MTMR3: variants seen among roughly 807,000 people sequenced by gnomAD.
MTMR3 encodes phosphatidylinositol-3,5-bisphosphate 3-phosphatase MTMR3.
In MTMR3, 32 loss-of-function variants were observed where a neutral mutation model predicts 132.4. That is an observed-to-expected ratio of 0.24 (90% CI 0.18 to 0.32). MTMR3 has a LOEUF of 0.32. Ranked by LOEUF, MTMR3 falls within the 10% of genes least tolerant of loss-of-function variation. MTMR3 has a pLI of 1.00. For missense variants in MTMR3, 1,216 were observed against 1,489.6 expected (o/e 0.82, Z 3.02); for synonymous variants, 556 against 550.3 (o/e 1.01, Z -0.14).
chr22:29,903,367 ATTTTCTTT>A (rs2065036297), intron 1 of MTMR3, among the ~76,000 whole-genome samples: 2 of 136,536 alleles, frequency 1.5e-5, no homozygotes, highest in Non-Finnish European at 3.2e-5. Context: ...AGTGTTTTTG[ATTTTCTTT>A]TTTTCTTTTT....
At chr22:29,894,503 C>CGTGT (rs144670905) in intron 1 of MTMR3, among the ~76,000 whole-genome samples, 6,535 of 147,240 alleles carry the variant, frequency 0.044, 177 homozygotes, top group African/African-American at 0.085. Flanking sequence ...GTTCTGTATC[C>CGTGT]GTGTGTGTGT....
At chr22:29,897,782 C>T (rs962708475) in intron 1 of MTMR3, among the ~76,000 whole-genome samples, 5 of 152,028 alleles carry the variant, frequency 3.3e-5, no homozygotes, top group Admixed American at 6.6e-5. Flanking sequence ...AATATGCATA[C>T]GGTTGGAGTC....
chr22:29,895,856 T>C (rs1391308808), intron 1 of MTMR3, among the ~76,000 whole-genome samples: 1 of 152,226 alleles, frequency 6.6e-6, no homozygotes, highest in Non-Finnish European at 1.5e-5. Flanking sequence ...GCCACTTAGC[T>C]GGTCATCACT....
chr22:29,884,402 TTG>T (rs2064623828), intron 1 of MTMR3, among the ~76,000 whole-genome samples: 1 of 152,112 alleles, frequency 6.6e-6, no homozygotes, highest in Non-Finnish European at 1.5e-5. Context: ...TGTGAAATGT[TTG>T]TGATTTGTCC....
intron 3 of MTMR3, among the ~76,000 whole-genome samples, chr22:29,974,175 G>C (rs2066588831): frequency 6.6e-6 from 1 of 152,146 alleles, no homozygotes; most frequent in Non-Finnish European, 1.5e-5. Context: ...CTTATAGCTA[G>C]GATACGTTTG....
At position 30,022,093 on chromosome 22, in the gene MTMR3, T is replaced by C; in HGVS notation, c.3290T>C (p.Ile1097Thr). The C allele has an allele frequency of 1.2e-6, 2 of 1,614,048 alleles. No homozygotes were observed. Among genetic ancestry groups the C allele is most frequent in the Non-Finnish European group, 1.7e-6 (2 of 1,180,012 alleles). The stretch of plus-strand genomic sequence containing the variant: ...TGTTTGTCTCGCTGCAGCACAGAGA[T>C]TTTCTCTGAAGCCAGCTGGGAGCAG... ...QNCLSRCSTEIFSEASWEQVD... is the reference protein window; with the variant it reads ...QNCLSRCSTETFSEASWEQVD... The change falls in exon 18 of 20, where the codon ATT (isoleucine) becomes ACT (threonine). Residue 1097 changes from isoleucine to threonine, a missense_variant. Ile to Thr is a moderately conservative substitution (Grantham distance 89, BLOSUM62 -1). Coordinates refer to ENST00000401950, the MANE Select transcript of MTMR3 (RefSeq NM_021090.4).
chr22:29,912,606 C>T (rs985880886), intron 1 of MTMR3, among the ~76,000 whole-genome samples: 1 of 152,112 alleles, frequency 6.6e-6, no homozygotes, highest in Admixed American at 6.5e-5. Flanking sequence ...AAGCTGTTGT[C>T]ATTATGTTGC....
chr22:29,934,382 C>T (rs1484237474), intron 1 of MTMR3, among the ~76,000 whole-genome samples: 1 of 152,024 alleles, frequency 6.6e-6, no homozygotes, highest in African/African-American at 2.4e-5. Context: ...AAGCTCTGGA[C>T]ATTAAAGATG....
intron 12 of MTMR3, chr22:30,010,085 T>G (rs2145943510): frequency 6.6e-6 from 1 of 152,384 alleles, no homozygotes; most frequent in Non-Finnish European, 1.5e-5. Flanking sequence ...TTGAGCTTGC[T>G]GCCTCCTTTG....
At chr22:29,967,240 C>CAT (rs1288884481) in intron 2 of MTMR3, among the ~76,000 whole-genome samples, 21 of 144,028 alleles carry the variant, frequency 1.5e-4, no homozygotes, top group African/African-American at 3.8e-4. Flanking sequence ...TGTGCATGCG[C>CAT]GCGCGCGCGC....
chr22:30,020,226 C>T lies in MTMR3; in HGVS notation c.2567C>T (p.Ser856Leu). 6.2e-7 allele frequency: 1 copy of T among 1,614,176 alleles called. No homozygotes were observed. The highest frequency in any genetic ancestry group is 8.5e-7 in the Non-Finnish European group (1 of 1,180,042). Residue 856 changes from serine to leucine, a missense_variant, in exon 17 of 20, where the codon TCA (serine) becomes TTA (leucine). Transcript: ENST00000401950. The stretch of plus-strand genomic sequence containing the variant: ...ATGTTAGTGGAAGATAAGGTGAAGT[C>T]AGTAAGTGGGCCCCAAGGTCATCAT... ...TDMLVEDKVKSVSGPQGHHRS... is the reference protein window; with the variant it reads ...TDMLVEDKVKLVSGPQGHHRS...
At position 30,020,750 on chromosome 22, in the gene MTMR3, C is replaced by T; in HGVS notation, c.3091C>T (p.Leu1031=). 6.2e-7 allele frequency: 1 copy of T among 1,614,196 alleles called. No individual in the cohort carries two copies. Among genetic ancestry groups the T allele is most frequent in the Non-Finnish European group, 8.5e-7 (1 of 1,180,040 alleles). ...SVYTDTIQQR[L]RQIESGHQQE... Reference sequence around the variant, plus strand: ...GTACACAGACACGATCCAACAGCGCCTGCGTCAGATTGAGTCAGGCCACCA... The same window carrying T: ...GTACACAGACACGATCCAACAGCGCTTGCGTCAGATTGAGTCAGGCCACCA... The change falls in exon 17 of 20, where the codon CTG becomes TTG. Residue 1031 remains leucine (L), a synonymous_variant. Coordinates refer to ENST00000401950, the MANE Select transcript of MTMR3 (RefSeq NM_021090.4).
Position 30,027,759 on chromosome 22 carries a change from G to T in MTMR3, c.*1958G>T, listed in dbSNP as rs1288306390. 5 of 152,636 alleles carry T rather than the reference G, an allele frequency of 3.3e-5. No homozygotes were observed. The highest frequency in any genetic ancestry group is 2.0e-4 in the Admixed American group (3 of 15,278). 9.5% of individuals were successfully genotyped at this position (152,636 alleles called of 1,614,324 possible). On this transcript the variant is annotated 3_prime_UTR_variant, in exon 20 of 20. Transcript: ENST00000401950. ...TTTTCTCCTAAAGAGGAGTCAGTCA[G>T]TGCTCCTATATTTTTCATTTTTTGT...
chr22:29,984,340 A>G (rs1222910452), intron 5 of MTMR3: 1 of 152,218 alleles, frequency 6.6e-6, no homozygotes. Context: ...ACATGTATGC[A>G]CACACACCCA....
intron 17 of MTMR3, 33 bp from the exon 18 acceptor site, chr22:30,021,990 CCAGGTT>C: frequency 6.6e-7 from 1 of 1,515,700 alleles, no homozygotes; most frequent in South Asian, 1.1e-5. Context: ...TGGGAGGAGA[CCAGGTT>C]CATTCTGTTC....
At chr22:29,889,391 A>C (rs192592288) in intron 1 of MTMR3, among the ~76,000 whole-genome samples, 6 of 150,670 alleles carry the variant, frequency 4.0e-5, no homozygotes, top group Non-Finnish European at 8.8e-5. Context: ...GGTTCTAGCA[A>C]TTCTGCTGCC....
intron 1 of MTMR3, among the ~76,000 whole-genome samples, chr22:29,916,894 TGCTC>T (rs1237691227): frequency 6.6e-6 from 1 of 152,198 alleles, no homozygotes; most frequent in African/African-American, 2.4e-5. Flanking sequence ...CTTTACCAAT[TGCTC>T]CCTAATGCCT....
At position 29,959,325 on chromosome 22, in the gene MTMR3, G is replaced by A. The variant is rs552585288; in HGVS notation, c.-85+2237G>A. ...TAATCTTCATTTAGCCAGGGGGGTG[G>A]GGGAGTGTTGCAGATTAGATCTGTA... On this transcript the variant is annotated intron_variant, in intron 2 of 19. Coordinates refer to ENST00000401950, the MANE Select transcript of MTMR3 (RefSeq NM_021090.4). 5.3e-5 allele frequency among the ~76,000 whole-genome samples: 8 copies of A among 152,146 alleles called. No individual in the cohort carries two copies. The East Asian group carries it at 1.5e-3, about 29-fold the overall frequency.
chr22:30,025,389 T>C, intron 19 of MTMR3: 1 of 553,546 alleles, frequency 1.8e-6, no homozygotes, highest in East Asian at 3.1e-5. Context: ...AGCATTCTTT[T>C]GAGTCAGTGG....
Sources: gnomAD v4.1 joint callset for allele counts (sites outside exome capture counted in the v4.1 genomes callset) on GRCh38, gnomAD v4.1.1 for gene constraint, MANE v1.5 for transcripts, NCBI Gene and HGNC (gene_info 2026-07-23, HGNC 2026-07-21) for gene names.